Variants in GAB4 observed in about 807,000 individuals in gnomAD.
The protein encoded by GAB4 is GRB2 associated binding protein family member 4.
Under a neutral mutation model 51.3 loss-of-function variants are expected in GAB4, and 26 were observed. The observed-to-expected ratio is 0.51, with a 90% CI of 0.37 to 0.70. GAB4 has a LOEUF of 0.70. Ranked by LOEUF, GAB4 falls within the 30% of genes least tolerant of loss-of-function variation. The pLI, the probability that GAB4 is intolerant of heterozygous loss-of-function variation, is 0.00. For synonymous variants in GAB4, 329 were observed against 291.2 expected (o/e 1.13, Z -1.32); for missense variants, 759 against 734.6 (o/e 1.03, Z -0.38).
chr22:16,992,267 C>G (rs115690607), intron 1 of GAB4, 91 bp from the exon 2 acceptor site: 23 of 1,115,874 alleles, frequency 2.1e-5, no homozygotes, highest in Middle Eastern at 2.8e-4. Context: ...GGATGGGACT[C>G]GGACCTGCAC....
intron 3 of GAB4, among the ~76,000 whole-genome samples, chr22:16,982,974 C>T (rs2060839184): frequency 6.6e-6 from 1 of 152,184 alleles, no homozygotes; most frequent in Non-Finnish European, 1.5e-5. Context: ...GGGCTCAGGG[C>T]ATAAAACCCC....
intron 1 of GAB4, among the ~76,000 whole-genome samples, chr22:16,998,865 G>T (rs2060972148): frequency 6.6e-6 from 1 of 152,084 alleles, no homozygotes; most frequent in Non-Finnish European, 1.5e-5. Flanking sequence ...GTTGAATTTT[G>T]TCGAAGGCCT....
chr22:16,964,678 C>CT, intron 8 of GAB4, 88 bp downstream of exon 8: 1 of 910,192 alleles, frequency 1.1e-6, no homozygotes, highest in Non-Finnish European at 1.7e-6. Context: ...GGTGAGTCAG[C>CT]TGAGGTAGCT....
intron 5 of GAB4, chr22:16,967,482 C>T (rs531264495): frequency 6.6e-6 from 1 of 152,474 alleles, no homozygotes; most frequent in Admixed American, 6.5e-5. Flanking sequence ...TGTCTTGGCC[C>T]TGGAAGGTGA....
intron 2 of GAB4, among the ~76,000 whole-genome samples, chr22:16,991,560 A>C (rs1157819399): frequency 6.6e-6 from 1 of 152,212 alleles, no homozygotes; most frequent in African/African-American, 2.4e-5. Flanking sequence ...GGTCAAGTGC[A>C]ACTGTGCCAG....
chr22:17,000,294 C>G lies in GAB4; in HGVS notation c.174+7647G>C, dbSNP rs1471865687. On this transcript the variant is annotated intron_variant, in intron 1 of 9. Transcript: ENST00000400588. Reference sequence around the variant, plus strand: ...GGAGTCTAAGTCTCTTTCTAGGTCTCTAAGTATAGGCTTTATGAATCTGGG... The same window carrying G: ...GGAGTCTAAGTCTCTTTCTAGGTCTGTAAGTATAGGCTTTATGAATCTGGG... Among the ~76,000 whole-genome samples, 9 of 152,296 alleles carry G rather than the reference C, an allele frequency of 5.9e-5. 1 individual carries two copies. The South Asian group carries it at 1.2e-3, about 21-fold the overall frequency.
In GAB4 at chr22:16,970,155, A is replaced by G; in HGVS notation, c.725T>C (p.Ile242Thr). 6.2e-7 allele frequency: 1 copy of G among 1,614,072 alleles called. No homozygotes were observed. Among genetic ancestry groups the G allele is most frequent in the South Asian group, 1.1e-5 (1 of 91,076 alleles). ...SFSQGSEAPFIMRRNTAMQNL... is the reference protein window; with the variant it reads ...SFSQGSEAPFTMRRNTAMQNL... The stretch of plus-strand genomic sequence containing the variant: ...TTGCATGGCTGTGTTTCTCCTCATG[A>G]TGAATGGGGCCTCAGAACCCTGGGA... Residue 242 changes from isoleucine to threonine, a missense_variant, in exon 4 of 10, where the codon ATC (isoleucine) becomes ACC (threonine). Coordinates refer to ENST00000400588, the MANE Select transcript of GAB4 (RefSeq NM_001037814.1).
chr22:17,001,541 A>G (rs556442003), intron 1 of GAB4, among the ~76,000 whole-genome samples: 1 of 152,226 alleles, frequency 6.6e-6, no homozygotes, highest in African/African-American at 2.4e-5. Context: ...TATTTGCATA[A>G]TCTTTTTTCA....
At chr22:16,978,828 C>T (rs1369244636) in intron 3 of GAB4, among the ~76,000 whole-genome samples, 1 of 152,132 alleles carries the variant, frequency 6.6e-6, no homozygotes, top group Non-Finnish European at 1.5e-5. Context: ...AAAAGCTTAT[C>T]CACCATGATC....
At chr22:17,007,035 CAAG>C (rs2061045820) in intron 1 of GAB4, among the ~76,000 whole-genome samples, 1 of 151,862 alleles carries the variant, frequency 6.6e-6, no homozygotes, top group Non-Finnish European at 1.5e-5. Context: ...TGGAGAAAGA[CAAG>C]AACGCAGAAT....
At chr22:16,973,508 G>A (rs1164607719) in intron 3 of GAB4, among the ~76,000 whole-genome samples, 1 of 152,090 alleles carries the variant, frequency 6.6e-6, no homozygotes. Flanking sequence ...CTCCAGCTCA[G>A]ATACTCACCC....
chr22:16,997,449 T>A (rs2060958932), intron 1 of GAB4, among the ~76,000 whole-genome samples: 1 of 152,204 alleles, frequency 6.6e-6, no homozygotes, highest in South Asian at 2.1e-4. Flanking sequence ...CTTCTTCTGA[T>A]AAGTGTCTGT....
intron 5 of GAB4, chr22:16,966,679 GGA>G (rs1189115498): frequency 3.1e-6 from 1 of 318,820 alleles, no homozygotes; most frequent in Non-Finnish European, 5.8e-6. Context: ...GGGAGTAAGA[GGA>G]GAGAGGGTGG....
chr22:16,992,225 C>A, intron 1 of GAB4, 49 bp from the exon 2 acceptor site: 3 of 1,523,048 alleles, frequency 2.0e-6, no homozygotes, highest in South Asian at 2.5e-5. Flanking sequence ...TATTACAAAG[C>A]TTTTAACAGG....
At chr22:16,995,391 T>A (rs116817790) in intron 1 of GAB4, among the ~76,000 whole-genome samples, 1,594 of 152,336 alleles carry the variant, frequency 0.01, 27 homozygotes, top group African/African-American at 0.036. Context: ...ATCAATATCA[T>A]TACACTTAAA....
In GAB4 at chr22:16,962,767, T is replaced by G; in HGVS notation, c.1691A>C (p.Gln564Pro). The G allele has an allele frequency of 6.2e-7, 1 of 1,613,300 alleles. No individual in the cohort carries two copies. Among genetic ancestry groups the G allele is most frequent in the Non-Finnish European group, 8.5e-7 (1 of 1,179,880 alleles). ...KTMHEQMCLR[Q>P]SSEPPRGAKL ...GGCGCCCCTGGGAGGCTCTGAGGAC[T>G]GCCGCAGGCACATCTGTTCATGCAT... Residue 564 changes from glutamine to proline, a missense_variant, in exon 10 of 10, where the codon CAG (glutamine) becomes CCG (proline). Physicochemically the swap from Gln to Pro is moderately conservative, Grantham distance 76. Around this residue, in one of 3 missense-constraint regions of GAB4, gnomAD observed 588 missense variants for 510.2 expected, o/e 1.15. Transcript: ENST00000400588.
At chr22:16,995,084 G>A (rs564387403) in intron 1 of GAB4, among the ~76,000 whole-genome samples, 15 of 152,156 alleles carry the variant, frequency 9.9e-5, no homozygotes, top group African/African-American at 3.1e-4. Context: ...TCCTATAAAC[G>A]CCTTGGTCAT....
At chr22:16,977,394 A>G (rs2060788404) in intron 3 of GAB4, among the ~76,000 whole-genome samples, 1 of 152,154 alleles carries the variant, frequency 6.6e-6, no homozygotes, top group African/African-American at 2.4e-5. Flanking sequence ...CTGATAAAAC[A>G]CACTTTAAAC....
At chr22:16,969,547 C>G in intron 4 of GAB4, 1 of 499,182 alleles carries the variant, frequency 2.0e-6, no homozygotes, top group Non-Finnish European at 3.5e-6. Flanking sequence ...CAAGGACTAG[C>G]TAACCACTGA....
Sources: gnomAD v4.1 joint callset for allele counts (sites outside exome capture counted in the v4.1 genomes callset) on GRCh38, gnomAD v4.1.1 for gene constraint, gnomAD v4.1.1 regional missense constraint, MANE v1.5 for transcripts, NCBI Gene and HGNC (gene_info 2026-07-23, HGNC 2026-07-21) for gene names.